HSD17B7: variants seen among roughly 807,000 people sequenced by gnomAD.
HSD17B7 encodes the protein 3-keto-steroid reductase/17-beta-hydroxysteroid dehydrogenase 7.
A neutral mutation model predicts 34.1 loss-of-function variants in HSD17B7; 17 were observed. That is an observed-to-expected ratio of 0.50 (90% CI 0.34 to 0.75). HSD17B7 has a LOEUF of 0.75. Ranked by LOEUF, HSD17B7 falls within the 30% of genes least tolerant of loss-of-function variation. The pLI is 0.01. For synonymous variants in HSD17B7, 122 were observed against 154.6 expected, an observed-to-expected ratio of 0.79 and a Z score of 1.56; for missense variants, 296 against 406.6, an observed-to-expected ratio of 0.73 and a Z score of 2.34.
intron 8 of HSD17B7, among the ~76,000 whole-genome samples, chr1:162,807,325 A>G (rs1649018268): frequency 6.6e-6 from 1 of 152,246 alleles, no homozygotes; most frequent in Admixed American, 6.5e-5. Flanking sequence ...ATGGCTGCAT[A>G]GTATTCTATG....
chr1:162,794,287 A>G (rs547040768), intron 2 of HSD17B7, among the ~76,000 whole-genome samples: 1 of 152,204 alleles, frequency 6.6e-6, no homozygotes, highest in Non-Finnish European at 1.5e-5. Flanking sequence ...CTGAATAAAA[A>G]TACTTCACAT....
chr1:162,808,469 A>G (rs1649062976), intron 8 of HSD17B7, among the ~76,000 whole-genome samples: 1 of 152,184 alleles, frequency 6.6e-6, no homozygotes, highest in South Asian at 2.1e-4. Context: ...TTGGTTCCAT[A>G]TGAACTTGAA....
At position 162,800,167 on chromosome 1, in the gene HSD17B7, A is replaced by G. The variant is rs1029394493; in HGVS notation, c.642+230A>G. The G allele has an allele frequency of 4.5e-6, 3 of 670,768 alleles. No homozygotes were observed. The African/African-American group carries it at 5.3e-5, about 12-fold the overall frequency. 41.6% of individuals were successfully genotyped at this position (670,768 alleles called of 1,614,324 possible). A position where few individuals can be genotyped will look rare whatever the true frequency, so the allele number is the denominator to read the frequency against. On this transcript the variant is annotated intron_variant, in intron 5 of 8. Transcript: ENST00000254521. ...TAACTTATGTTAACAGAGTGACACT[A>G]CTAAAAGTGATAATAGCTACTGTGT...
At chr1:162,792,435 T>C (rs1169439013) in intron 1 of HSD17B7, 13 of 579,520 alleles carry the variant, frequency 2.2e-5, no homozygotes, top group Admixed American at 6.6e-5. Flanking sequence ...TATTTTGTCA[T>C]TGAAGTTTTT....
chr1:162,800,013 G>A (rs1648754206), intron 5 of HSD17B7, 76 bp downstream of exon 5: 1 of 1,248,744 alleles, frequency 8.0e-7, no homozygotes, highest in Admixed American at 2.0e-5. Context: ...TCCTAATAAG[G>A]TAGCTGGCTT....
intron 8 of HSD17B7, among the ~76,000 whole-genome samples, chr1:162,808,857 G>A (rs1014115158): frequency 6.6e-6 from 1 of 152,176 alleles, no homozygotes; most frequent in Non-Finnish European, 1.5e-5. Flanking sequence ...ATCAGCTTAA[G>A]GAGATTTTGG....
intron 6 of HSD17B7, 127 bp from the exon 7 acceptor site, chr1:162,804,140 A>G (rs1211381007): frequency 3.3e-5 from 20 of 597,660 alleles, no homozygotes; most frequent in Middle Eastern, 4.5e-4. Context: ...TGACTTCTTT[A>G]TTTTTTGTTA....
intron 4 of HSD17B7, 27 bp downstream of exon 4, chr1:162,797,943 T>C (rs752168579): frequency 4.5e-5 from 73 of 1,611,308 alleles, no homozygotes; most frequent in Middle Eastern, 3.3e-4. Flanking sequence ...CTTAATAAGC[T>C]AATATTTCGT....
Position 162,805,383 on chromosome 1 carries a change from T to A in HSD17B7, c.805-11T>A. 6.2e-7 allele frequency: 1 copy of A among 1,612,314 alleles called. No homozygotes were observed. The highest frequency in any genetic ancestry group is 8.5e-7 in the Non-Finnish European group (1 of 1,178,924). On this transcript the variant is annotated splice_polypyrimidine_tract_variant and intron_variant, in intron 7 of 8. Transcript: ENST00000254521. ...GAAGAAACAAATCATTGACACATCC[T>A]TCCTTTCCAGGTATGGCTTTTCCAC...
intron 8 of HSD17B7, among the ~76,000 whole-genome samples, chr1:162,808,716 T>C (rs1649072791): frequency 6.6e-6 from 1 of 152,216 alleles, no homozygotes; most frequent in Admixed American, 6.5e-5. Context: ...AGATATTTTA[T>C]TCTCTTTGAA....
At chr1:162,805,854 G>A (rs1648964800) in intron 8 of HSD17B7, among the ~76,000 whole-genome samples, 1 of 152,172 alleles carries the variant, frequency 6.6e-6, no homozygotes, top group Non-Finnish European at 1.5e-5. Context: ...CTGTCAGAAT[G>A]TAAGCTCTTT....
intron 8 of HSD17B7, among the ~76,000 whole-genome samples, chr1:162,807,095 G>C (rs1393587484): frequency 1.3e-5 from 2 of 152,048 alleles, no homozygotes; most frequent in South Asian, 4.1e-4. Context: ...TTTACATTAG[G>C]TATATCTCCT....
At chr1:162,791,174 T>G (rs1481292937) in intron 1 of HSD17B7, among the ~76,000 whole-genome samples, 34 of 152,186 alleles carry the variant, frequency 2.2e-4, no homozygotes, top group African/African-American at 7.0e-4. Context: ...GTGCCCAATA[T>G]TTTGCTCCTG....
At chr1:162,795,832 A>G (rs1278235212) in intron 2 of HSD17B7, among the ~76,000 whole-genome samples, 1 of 152,116 alleles carries the variant, frequency 6.6e-6, no homozygotes, top group Non-Finnish European at 1.5e-5. Flanking sequence ...AAATGAGTAC[A>G]TTTAAACCTA....
chr1:162,811,452 T>TCTTG (rs1307544522), intron 8 of HSD17B7, among the ~76,000 whole-genome samples: 2 of 152,132 alleles, frequency 1.3e-5, no homozygotes, highest in African/African-American at 4.8e-5. Context: ...AAGAGGCTGT[T>TCTTG]CTTGAAGTTT....
intron 2 of HSD17B7, chr1:162,795,614 T>C: frequency 2.2e-6 from 1 of 458,020 alleles, no homozygotes; most frequent in South Asian, 1.6e-5. Flanking sequence ...TTGTCAATTA[T>C]TTATAGGATG....
At chr1:162,806,553 G>C (rs1283357828) in intron 8 of HSD17B7, among the ~76,000 whole-genome samples, 1 of 152,228 alleles carries the variant, frequency 6.6e-6, no homozygotes, top group Non-Finnish European at 1.5e-5. Context: ...AAGGCTGTGA[G>C]AAGTTGAAAC....
In HSD17B7 at chr1:162,805,419, A is replaced by C. The variant is rs1403221361; in HGVS notation, c.830A>C (p.Glu277Ala). Residue 277 changes from glutamate to alanine, a missense_variant, in exon 8 of 9, where the codon GAA becomes GCA. Coordinates refer to ENST00000254521, the MANE Select transcript of HSD17B7 (RefSeq NM_016371.4). Reference protein sequence around the residue: ...ALVWLFHQKPESLNPLIKYLS... With the variant: ...ALVWLFHQKPASLNPLIKYLS... ...GTATGGCTTTTCCACCAAAAGCCTG[A>C]ATCTCTCAATCCTCTGATCAAATAT... 1.2e-6 allele frequency: 2 copies of C among 1,613,146 alleles called. No homozygotes were observed. The highest frequency in any genetic ancestry group is 1.7e-6 in the Non-Finnish European group (2 of 1,179,342).
intron 5 of HSD17B7, among the ~76,000 whole-genome samples, chr1:162,802,228 CT>C (rs772468598): frequency 1.2e-4 from 19 of 152,230 alleles, no homozygotes; most frequent in Non-Finnish European, 2.1e-4. Flanking sequence ...CTTCTTCTTT[CT>C]TTTTTGTTTA....
Sources: allele counts gnomAD v4.1 joint callset (sites outside exome capture counted in the v4.1 genomes callset), GRCh38; gene constraint gnomAD v4.1.1; transcripts MANE v1.5; gene names NCBI Gene and HGNC (gene_info 2026-07-23, HGNC 2026-07-21).